Variants in ROBO1 observed in about 807,000 individuals in gnomAD.
ROBO1 encodes the protein roundabout guidance receptor 1.
In ROBO1, 149 loss-of-function variants were observed where a neutral mutation model predicts 195.9. The ratio of observed to expected loss-of-function variants is 0.76; its 90% CI spans 0.67 to 0.87. The LOEUF (loss-of-function observed/expected upper bound fraction) is 0.87, where lower values mean the gene tolerates loss of function less well. Ranked by LOEUF, ROBO1 falls within the 40% of genes least tolerant of loss-of-function variation. The pLI is 0.00. For synonymous variants in ROBO1, 816 were observed against 733.2 expected (o/e 1.11, Z -1.82); for missense variants, 1,933 against 2,068.3 (o/e 0.93, Z 1.27).
intron 2 of ROBO1, among the ~76,000 whole-genome samples, chr3:79,577,687 C>G (rs1943531485): frequency 6.6e-6 from 1 of 150,898 alleles, no homozygotes; most frequent in South Asian, 2.1e-4. Flanking sequence ...ACCAGTCTGA[C>G]CAACATGAAG....
At chr3:79,566,169 G>T (rs536900047) in intron 2 of ROBO1, among the ~76,000 whole-genome samples, 1 of 152,200 alleles carries the variant, frequency 6.6e-6, no homozygotes, top group South Asian at 2.1e-4. Flanking sequence ...AGACCAAAAA[G>T]AAAAGTCTTT....
At chr3:78,861,988 C>T (rs1576307297) in intron 4 of ROBO1, among the ~76,000 whole-genome samples, 1 of 152,058 alleles carries the variant, frequency 6.6e-6, no homozygotes, top group African/African-American at 2.4e-5. Context: ...ATGTCTATGC[C>T]TTAATCCCTA....
intron 1 of ROBO1, among the ~76,000 whole-genome samples, chr3:79,606,035 C>CATAT (rs111238153): frequency 0.18 from 25,776 of 146,600 alleles, 2,544 homozygotes; most frequent in African/African-American, 0.28. Flanking sequence ...CATGTACCCA[C>CATAT]ATATATATAT....
At chr3:79,287,228 T>C (rs1452466452) in intron 2 of ROBO1, among the ~76,000 whole-genome samples, 4 of 152,104 alleles carry the variant, frequency 2.6e-5, no homozygotes, top group Non-Finnish European at 5.9e-5. Flanking sequence ...TTCATGTAGT[T>C]TTGCTCTTCA....
chr3:79,105,232 A>C (rs2079756197), intron 3 of ROBO1, among the ~76,000 whole-genome samples: 1 of 151,796 alleles, frequency 6.6e-6, no homozygotes, highest in South Asian at 2.1e-4. Flanking sequence ...TACAGCATGT[A>C]AAAATTGACA....
rs908973807 is a variant in ROBO1 at position 79,482,460 on chromosome 3, C to T, written c.88+107364G>A. 4.6e-5 allele frequency among the ~76,000 whole-genome samples: 7 copies of T among 152,100 alleles called. No individual in the cohort carries two copies. In the South Asian group the frequency reaches 6.2e-4, roughly 13 times the overall value. On this transcript the variant is annotated intron_variant, in intron 2 of 30. Coordinates refer to ENST00000464233, the MANE Select transcript of ROBO1 (RefSeq NM_002941.4). ...TGGTTTTATAAGGGTAAACCCCTTACGCTTGGTTCTCATTCTCTCTTGCCT... is the reference window on the plus strand; with the variant it reads ...TGGTTTTATAAGGGTAAACCCCTTATGCTTGGTTCTCATTCTCTCTTGCCT...
At chr3:79,503,467 A>C (rs1221076605) in intron 2 of ROBO1, among the ~76,000 whole-genome samples, 2 of 152,212 alleles carry the variant, frequency 1.3e-5, no homozygotes, top group Non-Finnish European at 2.9e-5. Context: ...CCGGACACAC[A>C]AGCACAATGT....
chr3:78,693,125 C>A, intron 8 of ROBO1: 1 of 476,232 alleles, frequency 2.1e-6, no homozygotes, highest in Non-Finnish European at 3.7e-6. Context: ...CATTTAATTT[C>A]ATAAGATATA....
At chr3:78,889,070 G>T (rs2036733573) in intron 4 of ROBO1, among the ~76,000 whole-genome samples, 1 of 152,142 alleles carries the variant, frequency 6.6e-6, no homozygotes, top group African/African-American at 2.4e-5. Context: ...CAAAGAACAT[G>T]ATCTTACCTT....
rs56267632 is a variant in ROBO1, at chr3:78,712,017, CAAAAAAAAAA to C, written c.1045+2370_1045+2379del. ...ATTTGGGATTACAAGAAGACCTTGG[CAAAAAAAAAA>C]AAAAAAAAAAAAAAAAAAAAAAACT... is the stretch of plus-strand genomic sequence containing the variant. On this transcript the variant is annotated intron_variant, in intron 8 of 30. Coordinates refer to ENST00000464233, the MANE Select transcript of ROBO1 (RefSeq NM_002941.4). 1.4e-4 allele frequency among the ~76,000 whole-genome samples: 11 copies of C among 76,464 alleles called. No homozygotes were observed. In the East Asian group the frequency reaches 2.7e-3, roughly 19 times the overall value. 50.2% of individuals were successfully genotyped at this position (76,464 alleles called of 152,430 possible). A position where few individuals can be genotyped will look rare whatever the true frequency, so the allele number is the denominator to read the frequency against.
intron 2 of ROBO1, among the ~76,000 whole-genome samples, chr3:79,331,449 A>G (rs1232209755): frequency 6.6e-6 from 1 of 152,236 alleles, no homozygotes; most frequent in East Asian, 1.9e-4. Context: ...AAAACAAGCC[A>G]TTTATAAAAG....
chr3:79,273,053 C>A (rs144920125), intron 2 of ROBO1, among the ~76,000 whole-genome samples: 1 of 151,966 alleles, frequency 6.6e-6, no homozygotes, highest in Admixed American at 6.6e-5. Flanking sequence ...CCTTCGCAGA[C>A]AAACAAAAGC....
intron 2 of ROBO1, among the ~76,000 whole-genome samples, chr3:79,347,732 G>A (rs917948495): frequency 2.0e-5 from 3 of 152,090 alleles, no homozygotes; most frequent in Non-Finnish European, 4.4e-5. Context: ...ACCATAAGCA[G>A]GAGCACAAAA....
At chr3:79,206,864 G>C (rs536666123) in intron 2 of ROBO1, among the ~76,000 whole-genome samples, 127 of 152,194 alleles carry the variant, frequency 8.3e-4, no homozygotes, top group African/African-American at 3.0e-3. Context: ...CTATTTTAGA[G>C]ATAATTTCAT....
intron 2 of ROBO1, among the ~76,000 whole-genome samples, chr3:79,571,890 TCTTCTGGC>T (rs1424240122): frequency 1.3e-5 from 2 of 152,138 alleles, no homozygotes; most frequent in African/African-American, 4.8e-5. Context: ...TTTAATGTTC[TCTTCTGGC>T]CTTTTGTAAT....
intron 1 of ROBO1, among the ~76,000 whole-genome samples, chr3:79,634,701 T>G (rs1442220782): frequency 6.6e-6 from 1 of 152,158 alleles, no homozygotes; most frequent in Non-Finnish European, 1.5e-5. Context: ...TTCATCATCA[T>G]AAATTAATTT....
intron 2 of ROBO1, among the ~76,000 whole-genome samples, chr3:79,497,112 T>C (rs1040583102): frequency 1.3e-5 from 2 of 152,086 alleles, no homozygotes; most frequent in Admixed American, 1.3e-4. Flanking sequence ...GTAGTTAGGG[T>C]GATGTTGCTT....
At chr3:78,672,622 A>T (rs1256735626) in intron 10 of ROBO1, among the ~76,000 whole-genome samples, 1 of 150,754 alleles carries the variant, frequency 6.6e-6, no homozygotes, top group Admixed American at 6.6e-5. Flanking sequence ...AAAGAGAAAT[A>T]TTTAAGGGTT....
At chr3:79,264,764 T>G (rs1448899268) in intron 2 of ROBO1, among the ~76,000 whole-genome samples, 1 of 151,936 alleles carries the variant, frequency 6.6e-6, no homozygotes, top group African/African-American at 2.4e-5. Context: ...TGAATGACAT[T>G]ACTACTAGCT....
Sources: allele counts gnomAD v4.1 joint callset (sites outside exome capture counted in the v4.1 genomes callset), GRCh38; gene constraint gnomAD v4.1.1; transcripts MANE v1.5; gene names NCBI Gene and HGNC (gene_info 2026-07-23, HGNC 2026-07-21).